PMPCB: variants seen among roughly 807,000 people sequenced by gnomAD.
PMPCB encodes peptidase, mitochondrial processing subunit beta, also known as mitochondrial-processing peptidase subunit beta.
PMPCB carries 46 observed loss-of-function variants against 61.5 expected under a neutral mutation model. The ratio of observed to expected loss-of-function variants is 0.75; its 90% confidence interval spans 0.59 to 0.96. The LOEUF (loss-of-function observed/expected upper bound fraction) is 0.96, where lower values mean the gene tolerates loss of function less well. PMPCB is among the 40% of genes least tolerant of loss of function. The pLI is 0.00. For synonymous variants in PMPCB, 191 were observed against 201.6 expected, an observed-to-expected ratio of 0.95 and a Z score of 0.44; for missense variants, 590 against 602.4, an observed-to-expected ratio of 0.98 and a Z score of 0.22.
At chr7:103,332,958 A>G (rs1280287818), downstream of PMPCB, among the ~76,000 whole-genome samples, 2 of 152,188 alleles carry the variant, frequency 1.3e-5, no homozygotes, top group East Asian at 3.8e-4. Flanking sequence ...AGTATCCTGT[A>G]TCTGAAATGC....
chr7:103,316,693 C>T (rs1472229688), downstream of PMPCB: 5 of 722,222 alleles, frequency 6.9e-6, no homozygotes, highest in Non-Finnish European at 1.1e-5. Flanking sequence ...ATGCACCTCA[C>T]TTTTCACACT....
In PMPCB at chr7:103,313,740, T is replaced by G. The variant is rs1014870607; in HGVS notation, c.*1469T>G. 1 of 985,112 alleles carries G rather than the reference T, an allele frequency of 1.0e-6. No homozygotes were observed. The highest frequency in any genetic ancestry group is 1.7e-5 in the African/African-American group (1 of 57,226). The allele number at this position is 985,112 out of a possible 1,614,324, so 61.0% of individuals were successfully genotyped here. ...GCTATTGTGGTTCTTCAACTAAACC[T>G]TGTATATTTCAGAAAACATCTAAGA... On this transcript the variant is annotated 3_prime_UTR_variant, in exon 13 of 13. Transcript: ENST00000249269.
Position 103,314,626 on chromosome 7 carries a change from G to A in PMPCB, c.*2355G>A. On this transcript the variant is annotated 3_prime_UTR_variant, in exon 13 of 13. Transcript: ENST00000249269. ...CTTTATAAAGAAGTGTCTTTCAGGT[G>A]TTCTGAAACCCTGCCTTGTTACTTA... The A allele has an allele frequency of 1.0e-6, 1 of 985,308 alleles. No individual in the cohort carries two copies. The highest frequency in any genetic ancestry group is 1.2e-6 in the Non-Finnish European group (1 of 829,862). The allele number at this position is 985,308 out of a possible 1,614,324, so 61.0% of individuals were successfully genotyped here.
the PMPCB span, among the ~76,000 whole-genome samples, chr7:103,342,732 C>T: frequency 1.3e-5 from 2 of 151,666 alleles, no homozygotes; most frequent in Non-Finnish European, 2.9e-5. Flanking sequence ...CCTCAGCCTC[C>T]CGAGTAGCTG....
At chr7:103,327,412 G>A (rs1416583857) in intron 12 of PMPCB, 1 of 974,784 alleles carries the variant, frequency 1.0e-6, no homozygotes, top group African/African-American at 1.6e-5. Flanking sequence ...AGTAGGTTTG[G>A]GGCAGGGCCT....
At chr7:103,318,027 A>G (rs1818167220), downstream of PMPCB, among the ~76,000 whole-genome samples, 1 of 152,228 alleles carries the variant, frequency 6.6e-6, no homozygotes, top group Admixed American at 6.5e-5. Flanking sequence ...ACGTCAGATT[A>G]GTAGTACAAT....
At chr7:103,338,961 T>C in the PMPCB span, among the ~76,000 whole-genome samples, 2 of 152,104 alleles carry the variant, frequency 1.3e-5, no homozygotes, top group Non-Finnish European at 2.9e-5. Context: ...ATGTGGACTA[T>C]TATACAGCCT....
intron 11 of PMPCB, 44 bp from the exon 12 acceptor site, chr7:103,312,012 T>C: frequency 6.3e-7 from 1 of 1,592,010 alleles, no homozygotes; most frequent in Non-Finnish European, 8.6e-7. Context: ...ATAGACTTTG[T>C]TTTTACTACA....
At chr7:103,304,071 G>T in intron 5 of PMPCB, 31 bp downstream of exon 5, 1 of 1,420,354 alleles carries the variant, frequency 7.0e-7, no homozygotes, top group South Asian at 1.2e-5. Flanking sequence ...TGGTGTATAA[G>T]GGAATTTATG....
intron 6 of PMPCB, among the ~76,000 whole-genome samples, chr7:103,305,652 A>T (rs1817555949): frequency 6.6e-6 from 1 of 152,246 alleles, no homozygotes; most frequent in East Asian, 1.9e-4. Context: ...ATCATAATTT[A>T]AAAATTCTAG....
chr7:103,341,541 G>A, the PMPCB span, among the ~76,000 whole-genome samples: 2 of 152,144 alleles, frequency 1.3e-5, no homozygotes, highest in Non-Finnish European at 2.9e-5. Flanking sequence ...TTTAAGACCG[G>A]TGCAAACATT....
At chr7:103,322,685 TAAATC>T (rs1398404512) in intron 12 of PMPCB, 2 of 1,612,798 alleles carry the variant, frequency 1.2e-6, no homozygotes, top group South Asian at 1.1e-5. Flanking sequence ...TTAGGGGACT[TAAATC>T]AATTCTACTT....
chr7:103,309,511 A>G lies in PMPCB; in HGVS notation c.993+416A>G, dbSNP rs544064475. 6.6e-4 allele frequency among the ~76,000 whole-genome samples: 100 copies of G among 152,356 alleles called. 1 individual carries two copies. Among genetic ancestry groups the G allele is most frequent in the African/African-American group, 2.3e-3 (96 of 41,590 alleles). ...TTGGTCACTTCCTAAACAATATAGT[A>G]TAACAACTATTTACATAGCATTTAC... On this transcript the variant is annotated intron_variant, in intron 8 of 12. Transcript: ENST00000249269.
In PMPCB at chr7:103,312,532, C is replaced by A; in HGVS notation, c.*261C>A. ...AGAATGAAAATGTTTACAGTATTTT[C>A]AGTTTTATTATAAAAATGCACACAC... On this transcript the variant is annotated 3_prime_UTR_variant, in exon 13 of 13. Coordinates refer to ENST00000249269, the MANE Select transcript of PMPCB (RefSeq NM_004279.3). 1.3e-6 allele frequency: 2 copies of A among 1,593,584 alleles called. No individual in the cohort carries two copies. Among genetic ancestry groups the A allele is most frequent in the South Asian group, 2.3e-5 (2 of 86,386 alleles).
chr7:103,316,223 C>T (rs912995860), downstream of PMPCB: 12 of 485,988 alleles, frequency 2.5e-5, no homozygotes, highest in Non-Finnish European at 4.2e-5. Context: ...TCTAATTATG[C>T]TGCTACTATA....
the PMPCB span, among the ~76,000 whole-genome samples, chr7:103,339,342 T>A: frequency 6.6e-6 from 1 of 152,198 alleles, no homozygotes; most frequent in African/African-American, 2.4e-5. Context: ...ACAATCTACT[T>A]CTTTCTATAC....
At chr7:103,341,833 T>C in the PMPCB span, 11 of 1,611,948 alleles carry the variant, frequency 6.8e-6, no homozygotes, top group African/African-American at 1.3e-4. Context: ...CATCTTCTGA[T>C]TCCTCGGATA....
Position 103,309,077 on chromosome 7 carries a change from C to T in PMPCB, c.975C>T (p.Arg325=). The change falls in exon 8 of 13, where the codon CGC becomes CGT. Residue 325 remains arginine, a synonymous_variant. Coordinates refer to ENST00000249269, the MANE Select transcript of PMPCB (RefSeq NM_004279.3). ...ACACGCTGATTGGCAACTGGGATCG[C>T]TCTTTTGGGGGAGGAATGGTAAGTG... is the stretch of plus-strand genomic sequence containing the variant. ...VANTLIGNWD[R]SFGGGMNLSS... The T allele has an allele frequency of 6.2e-7, 1 of 1,604,090 alleles. No homozygotes were observed. The highest frequency in any genetic ancestry group is 8.5e-7 in the Non-Finnish European group (1 of 1,175,076).
chr7:103,312,497 T>G lies in PMPCB; in HGVS notation c.*226T>G. The G allele has an allele frequency of 6.3e-7, 1 of 1,575,564 alleles. No individual in the cohort carries two copies. Among genetic ancestry groups the G allele is most frequent in the Non-Finnish European group, 8.6e-7 (1 of 1,163,990 alleles). ...CATACTTTCAAATTATTACCATGAG[T>G]ATAATTTTAAGAATGAAAATGTTTA... On this transcript the variant is annotated 3_prime_UTR_variant, in exon 13 of 13. Coordinates refer to ENST00000249269, the MANE Select transcript of PMPCB (RefSeq NM_004279.3).
Sources: gnomAD v4.1 joint callset for allele counts (sites outside exome capture counted in the v4.1 genomes callset) on GRCh38, gnomAD v4.1.1 for gene constraint, MANE v1.5 for transcripts, NCBI Gene and HGNC (gene_info 2026-07-23, HGNC 2026-07-21) for gene names.